Variants in CEP128 observed in about 807,000 individuals in gnomAD.
CEP128 encodes centrosomal protein 128, also known as centrosomal protein 128kDa.
In CEP128, 132 loss-of-function variants were observed where a neutral mutation model predicts 156.7. The ratio of observed to expected loss-of-function variants is 0.84; its 90% CI spans 0.73 to 0.97. CEP128 has a LOEUF of 0.97. CEP128 is among the 50% of genes least tolerant of loss of function. The pLI is 0.00. For missense variants in CEP128, 1,252 were observed against 1,281.9 expected (o/e 0.98, Z 0.36); for synonymous variants, 469 against 448.9 (o/e 1.04, Z -0.57).
chr14:80,788,137 T>G (rs2139821495), intron 14 of CEP128, among the ~76,000 whole-genome samples: 1 of 152,234 alleles, frequency 6.6e-6, no homozygotes, highest in Non-Finnish European at 1.5e-5. Context: ...CAGCTTAAGA[T>G]TCTGTCTAGG....
intron 14 of CEP128, among the ~76,000 whole-genome samples, chr14:80,786,777 AG>A (rs1901430048): frequency 6.6e-6 from 1 of 152,162 alleles, no homozygotes; most frequent in African/African-American, 2.4e-5. Context: ...AGGAGGTATT[AG>A]GGTCTCAGGG....
At chr14:80,509,004 G>C (rs1253166457) in intron 23 of CEP128, among the ~76,000 whole-genome samples, 1 of 152,038 alleles carries the variant, frequency 6.6e-6, no homozygotes, top group Admixed American at 6.6e-5. Flanking sequence ...GGGAAGTAAG[G>C]ACCTACTTCA....
At chr14:80,635,755 T>C (rs1237900987) in intron 19 of CEP128, among the ~76,000 whole-genome samples, 1 of 152,208 alleles carries the variant, frequency 6.6e-6, no homozygotes, top group Non-Finnish European at 1.5e-5. Context: ...CTGTGAACAT[T>C]TGAAATCCAA....
chr14:80,854,034 A>G (rs943067484), intron 9 of CEP128, among the ~76,000 whole-genome samples: 10 of 152,158 alleles, frequency 6.6e-5, no homozygotes, highest in Admixed American at 3.9e-4. Context: ...TTAAATGAGC[A>G]AAAGTCATAC....
chr14:80,924,466 A>C (rs542271528), intron 2 of CEP128, among the ~76,000 whole-genome samples: 1 of 152,210 alleles, frequency 6.6e-6, no homozygotes, highest in Non-Finnish European at 1.5e-5. Context: ...TAAATAAGTC[A>C]TAGTCTTGAT....
chr14:80,939,640 A>AT (rs1438518006), intron 1 of CEP128, 100 bp from the exon 2 acceptor site: 2 of 152,258 alleles, frequency 1.3e-5, no homozygotes, highest in Non-Finnish European at 2.9e-5. Context: ...AGACTATGGC[A>AT]TAACACAGAA....
At chr14:80,770,272 C>T (rs1228504394) in intron 16 of CEP128, among the ~76,000 whole-genome samples, 1 of 152,148 alleles carries the variant, frequency 6.6e-6, no homozygotes, top group East Asian at 1.9e-4. Context: ...AAAGTCATTG[C>T]CAATTGAGTA....
chr14:80,601,097 G>T (rs1025855125), intron 19 of CEP128, among the ~76,000 whole-genome samples: 13 of 151,780 alleles, frequency 8.6e-5, no homozygotes, highest in African/African-American at 3.1e-4. Flanking sequence ...TACTATGCTG[G>T]GAAATCTCTA....
intron 24 of CEP128, among the ~76,000 whole-genome samples, chr14:80,501,508 C>A (rs1480801568): frequency 6.6e-6 from 1 of 151,548 alleles, no homozygotes; most frequent in African/African-American, 2.4e-5. Context: ...TTTTCTTTTT[C>A]TTTTTCTTTT....
intron 19 of CEP128, among the ~76,000 whole-genome samples, chr14:80,632,207 T>C (rs1050920753): frequency 2.6e-5 from 4 of 152,034 alleles, no homozygotes; most frequent in Non-Finnish European, 4.4e-5. Context: ...TAGTTTTCTA[T>C]GTATGCACAC....
chr14:80,821,639 A>ACACACG (rs1885188956), intron 13 of CEP128, among the ~76,000 whole-genome samples: 3 of 131,868 alleles, frequency 2.3e-5, no homozygotes, highest in Admixed American at 1.5e-4. Flanking sequence ...ACACACACAC[A>ACACACG]CACATGCACA....
intron 2 of CEP128, chr14:80,955,698 G>A (rs2139669162): frequency 6.2e-7 from 1 of 1,614,108 alleles, no homozygotes; most frequent in Non-Finnish European, 8.5e-7. Flanking sequence ...CGGCGGACTT[G>A]CTGCAGCTGG....
At chr14:80,913,912 C>T (rs943866598) in intron 4 of CEP128, among the ~76,000 whole-genome samples, 16 of 152,326 alleles carry the variant, frequency 1.1e-4, no homozygotes, top group African/African-American at 3.4e-4. Flanking sequence ...TGTTCCACTA[C>T]AGCAATAGAA....
At chr14:80,909,057 C>T (rs1031001588) in intron 4 of CEP128, among the ~76,000 whole-genome samples, 1 of 152,138 alleles carries the variant, frequency 6.6e-6, no homozygotes, top group Non-Finnish European at 1.5e-5. Flanking sequence ...TGCTTTTAAT[C>T]CACCTCTTTA....
chr14:80,840,910 A>T (rs965485502), intron 9 of CEP128, 142 bp from the exon 10 acceptor site: 7 of 600,326 alleles, frequency 1.2e-5, no homozygotes, highest in Non-Finnish European at 2.1e-5. Context: ...TGCTCATAAG[A>T]ACACTTCAGT....
At chr14:80,662,894 G>A (rs1460967099) in intron 19 of CEP128, among the ~76,000 whole-genome samples, 1 of 152,162 alleles carries the variant, frequency 6.6e-6, no homozygotes, top group Non-Finnish European at 1.5e-5. Flanking sequence ...TAGCTACCAA[G>A]TACCTGAAAT....
chr14:80,531,618 C>T lies in CEP128; in HGVS notation c.2881-732G>A, dbSNP rs373381948. ...ATTATAGGCATCTCTGTATCCTCAG[C>T]TCTGTCACAATGCCAGACATATTAG... On this transcript the variant is annotated intron_variant, in intron 21 of 24. Coordinates refer to ENST00000555265, the MANE Select transcript of CEP128 (RefSeq NM_152446.5). Among the ~76,000 whole-genome samples, 12 of 152,280 alleles carry T rather than the reference C, an allele frequency of 7.9e-5. No homozygotes were observed. The East Asian group carries it at 1.5e-3, about 20-fold the overall frequency.
intron 21 of CEP128, among the ~76,000 whole-genome samples, chr14:80,531,493 T>C (rs956345725): frequency 1.3e-5 from 2 of 152,230 alleles, no homozygotes; most frequent in African/African-American, 2.4e-5. Flanking sequence ...TACACCCACC[T>C]GTGAACATTA....
chr14:80,506,237 T>C (rs535440840), intron 23 of CEP128, among the ~76,000 whole-genome samples: 26 of 151,664 alleles, frequency 1.7e-4, no homozygotes, highest in African/African-American at 5.8e-4. Context: ...GAGTTTGGTG[T>C]GTCTGAAGAA....
Sources: allele counts gnomAD v4.1 joint callset (sites outside exome capture counted in the v4.1 genomes callset), GRCh38; gene constraint gnomAD v4.1.1; transcripts MANE v1.5; gene names NCBI Gene and HGNC (gene_info 2026-07-23, HGNC 2026-07-21).